TIAM2: variants seen among roughly 807,000 people sequenced by gnomAD.
TIAM2 encodes the protein rho guanine nucleotide exchange factor TIAM2.
In TIAM2, 80 loss-of-function variants were observed where a neutral mutation model predicts 152.9. The observed-to-expected ratio is 0.52, with a 90% CI of 0.44 to 0.63. The LOEUF is 0.63. Ranked by LOEUF, TIAM2 falls within the 30% of genes least tolerant of loss-of-function variation. The pLI is 0.00. For synonymous variants in TIAM2, 804 were observed against 838.0 expected (o/e 0.96, Z 0.70); for missense variants, 1,965 against 2,120.1 (o/e 0.93, Z 1.44).
At chr6:155,120,098 G>A (rs1347384269) in intron 2 of TIAM2, among the ~76,000 whole-genome samples, 1 of 152,146 alleles carries the variant, frequency 6.6e-6, no homozygotes, top group Non-Finnish European at 1.5e-5. Context: ...GTGATAAATT[G>A]ACTTACTAAG....
chr6:155,211,749 A>G (rs1781727161), intron 15 of TIAM2, among the ~76,000 whole-genome samples: 1 of 150,980 alleles, frequency 6.6e-6, no homozygotes, highest in African/African-American at 2.4e-5. Context: ...CTTTTTTACT[A>G]TTTTCAAGTG....
At position 155,240,709 on chromosome 6, in the gene TIAM2, G is replaced by A; in HGVS notation, c.3348G>A (p.Lys1116=). The change falls in exon 16 of 27, where the codon AAG becomes AAA. Residue 1116 remains lysine, a splice_region_variant and synonymous_variant. Transcript: ENST00000682666. ...ELVDTEKSYV[K]DLSCLFELYL... ...TGGACACAGAGAAGTCCTACGTGAA[G>A]GTAAGGGAAGAGCTGGCATTTATGC... The A allele has an allele frequency of 6.2e-7, 1 of 1,608,604 alleles. No individual in the cohort carries two copies. The highest frequency in any genetic ancestry group is 1.7e-5 in the Admixed American group (1 of 59,890).
chr6:155,164,000 C>T (rs1780343139), intron 7 of TIAM2, among the ~76,000 whole-genome samples: 1 of 147,750 alleles, frequency 6.8e-6, no homozygotes. Context: ...TGCTTGGTTG[C>T]CCAGGCTGGA....
At chr6:155,106,257 G>A (rs1037666851) in intron 2 of TIAM2, among the ~76,000 whole-genome samples, 8 of 151,662 alleles carry the variant, frequency 5.3e-5, no homozygotes, top group South Asian at 2.1e-4. Context: ...TACCCTCCTC[G>A]GCCTCCCAAC....
chr6:155,062,956 G>A (rs1383754115), intron 1 of TIAM2, among the ~76,000 whole-genome samples: 3 of 152,138 alleles, frequency 2.0e-5, no homozygotes, highest in Non-Finnish European at 1.5e-5. Context: ...CCAACAGTAT[G>A]TCTTCTCTGA....
At chr6:155,246,615 C>T (rs1783348762) in intron 19 of TIAM2, among the ~76,000 whole-genome samples, 1 of 152,214 alleles carries the variant, frequency 6.6e-6, no homozygotes, top group South Asian at 2.1e-4. Context: ...GGATTATAGG[C>T]ATGAGCCACC....
At chr6:155,239,076 T>C (rs980951105) in intron 15 of TIAM2, among the ~76,000 whole-genome samples, 51 of 152,322 alleles carry the variant, frequency 3.3e-4, no homozygotes, top group African/African-American at 1.2e-3. Context: ...CTACCAAGTT[T>C]GACCAACATG....
chr6:155,184,878 T>C (rs987811292), intron 14 of TIAM2, among the ~76,000 whole-genome samples: 3 of 152,214 alleles, frequency 2.0e-5, no homozygotes, highest in Non-Finnish European at 2.9e-5. Context: ...ATGGAACTTA[T>C]TAATTACTTG....
At chr6:155,146,555 CTTA>C (rs1233328278) in intron 6 of TIAM2, among the ~76,000 whole-genome samples, 1 of 151,980 alleles carries the variant, frequency 6.6e-6, no homozygotes, top group Non-Finnish European at 1.5e-5. Context: ...TCAAACTTTG[CTTA>C]TTGTTTTTAA....
chr6:155,149,800 G>A (rs575853594), intron 7 of TIAM2, among the ~76,000 whole-genome samples: 2 of 152,062 alleles, frequency 1.3e-5, no homozygotes, highest in African/African-American at 4.8e-5. Flanking sequence ...GTGGGCGCCT[G>A]TAATTCCAGC....
rs374643924 is a variant in TIAM2 at position 155,015,582 on chromosome 6, GA to G, written c.-209+20092del. 2.7e-4 allele frequency among the ~76,000 whole-genome samples: 41 copies of G among 152,272 alleles called. No homozygotes were observed. In the East Asian group the frequency reaches 7.7e-3, roughly 29 times the overall value. On this transcript the variant is annotated intron_variant, in intron 1 of 26. Transcript: ENST00000682666. Reference sequence around the variant, plus strand: ...GGAGGCAGAGAAGGGGACTCAGAAAGAATTGTCGAAAAAGAGAATTATTAAA... The same window carrying G: ...GGAGGCAGAGAAGGGGACTCAGAAAGATTGTCGAAAAAGAGAATTATTAAA...
Position 155,140,573 on chromosome 6 carries a change from TGAGAGAGAGAGAGAGAGAGA to T in TIAM2, c.1630+2986_1630+3005del, listed in dbSNP as rs57939338. ...GTGTGTGTATGTGTGTGTGTGTGTG[TGAGAGAGAGAGAGAGAGAGA>T]GAGAGAGAGAGAGAGAGAGAGAGAA... On this transcript the variant is annotated intron_variant, in intron 5 of 26. Coordinates refer to ENST00000682666, the MANE Select transcript of TIAM2 (RefSeq NM_012454.4). Among the ~76,000 whole-genome samples the T allele has an allele frequency of 8.0e-4, 86 of 107,474 alleles. 1 individual carries two copies. Among genetic ancestry groups the T allele is most frequent in the African/African-American group, 3.0e-3 (79 of 26,036 alleles). The allele number at this position is 107,474 out of a possible 152,430, so 70.5% of individuals were successfully genotyped here.
At chr6:155,103,656 G>A (rs940641803) in intron 2 of TIAM2, among the ~76,000 whole-genome samples, 3 of 148,330 alleles carry the variant, frequency 2.0e-5, no homozygotes, top group African/African-American at 5.0e-5. Flanking sequence ...CCCAGGAGGC[G>A]GAGGTTGCGG....
chr6:155,115,122 C>A (rs559217518), intron 2 of TIAM2, among the ~76,000 whole-genome samples: 4 of 150,694 alleles, frequency 2.7e-5, no homozygotes, highest in African/African-American at 9.8e-5. Context: ...GCCACTGGGC[C>A]TGGCCAAACC....
At chr6:155,256,445 G>C (rs1312417264) in intron 26 of TIAM2, 39 bp from the exon 27 acceptor site, 1 of 1,613,494 alleles carries the variant, frequency 6.2e-7, no homozygotes, top group Non-Finnish European at 8.5e-7. Context: ...TGTGTAACCT[G>C]TTTCTGTATC....
chr6:155,204,627 C>A (rs1199459221), intron 14 of TIAM2, among the ~76,000 whole-genome samples: 1 of 151,912 alleles, frequency 6.6e-6, no homozygotes, highest in East Asian at 1.9e-4. Context: ...TCAAAAAGGA[C>A]CCTTTGGATA....
chr6:155,045,840 C>CTTTTTTTTTTTTTTTTTTTTTTTTTTT (rs11354850), intron 1 of TIAM2, among the ~76,000 whole-genome samples: 2 of 60,496 alleles, frequency 3.3e-5, no homozygotes, highest in Admixed American at 1.9e-4. Context: ...ATAGTGCCCT[C>CTTTTTTTTTTTTTTTTTTTTTTTTTTT]TTTTTTTTTT....
intron 5 of TIAM2, among the ~76,000 whole-genome samples, chr6:155,141,252 G>A (rs187094352): frequency 9.9e-4 from 150 of 152,182 alleles, no homozygotes; most frequent in African/African-American, 3.4e-3. Context: ...TTTCCCCAGC[G>A]TAACCTTTTC....
At chr6:155,035,533 C>T (rs973467892) in intron 1 of TIAM2, among the ~76,000 whole-genome samples, 1 of 152,050 alleles carries the variant, frequency 6.6e-6, no homozygotes, top group Admixed American at 6.6e-5. Flanking sequence ...TGTTAGTTCA[C>T]GAGACTCAGA....
Sources: allele counts gnomAD v4.1 joint callset (sites outside exome capture counted in the v4.1 genomes callset), GRCh38; gene constraint gnomAD v4.1.1; transcripts MANE v1.5; gene names NCBI Gene and HGNC (gene_info 2026-07-23, HGNC 2026-07-21).